Variants in JMJD1C observed in about 807,000 individuals in gnomAD.
JMJD1C encodes jumonji domain-containing protein 1C.
Under a neutral mutation model 245.3 loss-of-function variants are expected in JMJD1C, and 31 were observed. That is an observed-to-expected ratio of 0.13 (90% CI 0.09 to 0.17). The LOEUF is 0.17. Among genes scored for constraint, JMJD1C ranks in the 10% least tolerant of loss-of-function variants. JMJD1C has a pLI of 1.00. For synonymous variants in JMJD1C, 1,057 were observed against 1,017.4 expected (o/e 1.04, Z -0.74); for missense variants, 2,691 against 3,000.2 (o/e 0.90, Z 2.41).
At chr10:63,377,714 G>A (rs546339325) in intron 2 of JMJD1C, among the ~76,000 whole-genome samples, 25 of 151,710 alleles carry the variant, frequency 1.6e-4, no homozygotes, top group African/African-American at 5.6e-4. Context: ...CAGCCTGGGC[G>A]ACAGAGCAAG....
chr10:63,206,642 C>T lies in JMJD1C; in HGVS notation c.5027G>A (p.Arg1676Lys). ...CAGTTTACTTCTTTCTTTGGCACTC[C>T]TGCTGAGAACTCCATTGGGTTTCAA... is the stretch of plus-strand genomic sequence containing the variant. ...EDLKPNGVLS[R>K]SAKERSKLKL... Residue 1676 changes from arginine (R) to lysine (K), a missense_variant, in exon 10 of 26, where the codon AGG becomes AAG. By Grantham distance (26) the Arg-to-Lys change is conservative. Coordinates refer to ENST00000399262, the MANE Select transcript of JMJD1C (RefSeq NM_032776.3). 1 of 1,606,862 alleles carries T rather than the reference C, an allele frequency of 6.2e-7. No individual in the cohort carries two copies. The highest frequency in any genetic ancestry group is 8.5e-7 in the Non-Finnish European group (1 of 1,178,070).
intron 10 of JMJD1C, chr10:63,203,670 A>G: frequency 1.0e-6 from 1 of 983,148 alleles, no homozygotes; most frequent in Non-Finnish European, 1.2e-6. Flanking sequence ...CTGACTTTTA[A>G]TTAAGAGAAA....
chr10:63,255,011 G>C (rs1038621053), intron 3 of JMJD1C, among the ~76,000 whole-genome samples: 9 of 151,762 alleles, frequency 5.9e-5, no homozygotes, highest in Admixed American at 3.3e-4. Flanking sequence ...GCACCACCAT[G>C]CCCTGCTAAT....
At chr10:63,258,807 A>C (rs532927295) in intron 3 of JMJD1C, among the ~76,000 whole-genome samples, 15 of 152,052 alleles carry the variant, frequency 9.9e-5, no homozygotes, top group African/African-American at 3.6e-4. Flanking sequence ...CAATAAGATA[A>C]AGATCATTAC....
intron 1 of JMJD1C, among the ~76,000 whole-genome samples, chr10:63,487,892 G>A (rs1954048797): frequency 6.6e-6 from 1 of 152,196 alleles, no homozygotes; most frequent in African/African-American, 2.4e-5. Flanking sequence ...CAGGATGCTA[G>A]TTCACATTTG....
upstream of JMJD1C, among the ~76,000 whole-genome samples, chr10:63,469,952 G>A (rs1953438100): frequency 6.6e-6 from 1 of 152,016 alleles, no homozygotes. Context: ...TATACCCTAA[G>A]CACTTATTTA....
chr10:63,309,796 A>G (rs1454673916), intron 2 of JMJD1C, among the ~76,000 whole-genome samples: 2 of 152,098 alleles, frequency 1.3e-5, no homozygotes, highest in Admixed American at 6.5e-5. Context: ...GCACGCCTGT[A>G]ATCTCAGCTA....
chr10:63,494,285 T>C (rs1378939914), intron 1 of JMJD1C, among the ~76,000 whole-genome samples: 1 of 151,296 alleles, frequency 6.6e-6, no homozygotes, highest in African/African-American at 2.4e-5. Flanking sequence ...CACTCCAGCC[T>C]GGGCAACATA....
In JMJD1C at chr10:63,195,353, CA is replaced by C. The variant is rs56809186; in HGVS notation, c.5645-979del. 3.7e-3 allele frequency among the ~76,000 whole-genome samples: 411 copies of C among 109,678 alleles called. 1 individual carries two copies. The highest frequency in any genetic ancestry group is 9.1e-3 in the African/African-American group (238 of 26,158). The allele number at this position is 109,678 out of a possible 152,430, so 72.0% of individuals were successfully genotyped here. A position where few individuals can be genotyped will look rare whatever the true frequency, so the allele number is the denominator to read the frequency against. Reference sequence around the variant, plus strand: ...TGGGTGATAGAGCAAGACACCATCTCAAAAAAAAAAAAAAAAATCTAGAACT... The same window carrying C: ...TGGGTGATAGAGCAAGACACCATCTCAAAAAAAAAAAAAAAATCTAGAACT... On this transcript the variant is annotated intron_variant, in intron 13 of 25. Coordinates refer to ENST00000399262, the MANE Select transcript of JMJD1C (RefSeq NM_032776.3).
rs1475426897 is a variant in JMJD1C, at chr10:63,191,111, G to A, written c.6077-3C>T. On this transcript the variant is annotated splice_region_variant and splice_polypyrimidine_tract_variant and intron_variant, in intron 16 of 25. Coordinates refer to ENST00000399262, the MANE Select transcript of JMJD1C (RefSeq NM_032776.3). ...TTCAAGGGTAAGTTCTTTGTTTTCT[G>A]AAATAGAAAATTTCACAGATTTTGT... 6.2e-7 allele frequency: 1 copy of A among 1,600,994 alleles called. No individual in the cohort carries two copies. Among genetic ancestry groups the A allele is most frequent in the Non-Finnish European group, 8.6e-7 (1 of 1,168,742 alleles).
intron 2 of JMJD1C, among the ~76,000 whole-genome samples, chr10:63,301,595 T>C (rs1190494194): frequency 6.6e-6 from 1 of 152,032 alleles, no homozygotes; most frequent in Non-Finnish European, 1.5e-5. Flanking sequence ...CACTCATAAG[T>C]GGGAGTTGAA....
chr10:63,401,073 G>A (rs1948821980), intron 1 of JMJD1C, among the ~76,000 whole-genome samples: 1 of 152,106 alleles, frequency 6.6e-6, no homozygotes, highest in African/African-American at 2.4e-5. Context: ...TGGCCAGGCT[G>A]GTCTCAAACT....
At chr10:63,227,931 A>G (rs528413854) in intron 3 of JMJD1C, among the ~76,000 whole-genome samples, 1 of 152,334 alleles carries the variant, frequency 6.6e-6, no homozygotes, top group African/African-American at 2.4e-5. Context: ...CATCTTTTTA[A>G]CTTATACAAG....
intron 2 of JMJD1C, among the ~76,000 whole-genome samples, chr10:63,342,470 A>C (rs1180740887): frequency 6.6e-6 from 1 of 152,244 alleles, no homozygotes; most frequent in East Asian, 1.9e-4. Flanking sequence ...TCATCACTAG[A>C]GGACCCACTT....
intron 2 of JMJD1C, among the ~76,000 whole-genome samples, chr10:63,379,435 C>T (rs1170656715): frequency 6.6e-6 from 1 of 152,074 alleles, no homozygotes; most frequent in Non-Finnish European, 1.5e-5. Flanking sequence ...TGTTTACTTC[C>T]TGTTTCTTTT....
intron 1 of JMJD1C, among the ~76,000 whole-genome samples, chr10:63,395,673 T>C (rs1028710283): frequency 1.3e-5 from 2 of 152,202 alleles, no homozygotes; most frequent in Admixed American, 6.5e-5. Flanking sequence ...AGCAGTTTTA[T>C]TTTTAATAGA....
At chr10:63,238,528 TTTAAA>T (rs766546258) in intron 3 of JMJD1C, among the ~76,000 whole-genome samples, 1 of 152,362 alleles carries the variant, frequency 6.6e-6, no homozygotes, top group South Asian at 2.1e-4. Flanking sequence ...ACATAAGGTC[TTTAAA>T]TTAATACTCA....
At chr10:63,322,239 T>C (rs886221512) in intron 2 of JMJD1C, among the ~76,000 whole-genome samples, 6 of 152,188 alleles carry the variant, frequency 3.9e-5, no homozygotes, top group African/African-American at 1.4e-4. Flanking sequence ...ATTATTAAAA[T>C]GAGTGGATGT....
At chr10:63,278,559 A>T in intron 2 of JMJD1C, among the ~76,000 whole-genome samples, 1 of 150,800 alleles carries the variant, frequency 6.6e-6, no homozygotes, top group East Asian at 1.9e-4. Flanking sequence ...ACAAACAAAC[A>T]AAAAAAAGAG....
Sources: allele counts gnomAD v4.1 joint callset (sites outside exome capture counted in the v4.1 genomes callset), GRCh38; gene constraint gnomAD v4.1.1; transcripts MANE v1.5; gene names NCBI Gene and HGNC (gene_info 2026-07-23, HGNC 2026-07-21).